The following BMS1 variants were observed in gnomAD, a reference collection of about 807,000 sequenced individuals.
The protein encoded by BMS1 is ribosome biogenesis protein BMS1 homolog.
In BMS1, 53 loss-of-function variants were observed where a neutral mutation model predicts 138.7. The observed-to-expected ratio is 0.38, with a 90% confidence interval of 0.31 to 0.48. The LOEUF is 0.48. BMS1 is among the 20% of genes least tolerant of loss of function. The pLI is 0.97. For missense variants in BMS1, 1,360 were observed against 1,565.5 expected (o/e 0.87, Z 2.22); for synonymous variants, 504 against 539.9 (o/e 0.93, Z 0.92).
rs775444545 is a variant in BMS1 at position 42,796,770 on chromosome 10, A to C, written c.1526A>C (p.Glu509Ala). 5.6e-6 allele frequency: 9 copies of C among 1,614,220 alleles called. No individual in the cohort carries two copies. In the Admixed American group the frequency reaches 1.2e-4, roughly 21 times the overall value. Residue 509 changes from glutamate (E) to alanine (A), a missense_variant, in exon 10 of 23, where the codon GAG becomes GCG. Transcript: ENST00000374518. ...PAFADSDDDLERSSAEEGEAE... is the reference protein window; with the variant it reads ...PAFADSDDDLARSSAEEGEAE... ...TTTGCTGACAGTGACGATGACCTTG[A>C]GAGGAGCTCAGCGGAAGAAGGGGAA...
intron 3 of BMS1, among the ~76,000 whole-genome samples, chr10:42,786,133 A>G (rs539559809): frequency 1.2e-3 from 183 of 152,338 alleles, no homozygotes; most frequent in African/African-American, 4.3e-3. Context: ...GTTCCTTGGA[A>G]GGGCCTAGCA....
intron 12 of BMS1, among the ~76,000 whole-genome samples, chr10:42,799,287 T>G (rs377099320): frequency 6.6e-6 from 1 of 152,170 alleles, no homozygotes; most frequent in African/African-American, 2.4e-5. Context: ...TTTTTGCATT[T>G]TTTGTAGAGA....
rs756147364 is a variant in BMS1, at chr10:42,830,839, A to G, written c.3619-27A>G. On this transcript the variant is annotated intron_variant, in intron 22 of 22. Transcript: ENST00000374518. ...GTGTGTGGTGTCTGAGAGCATTCTGATACTCACCGGCTTTTGTCCTTGTCA... is the reference window on the plus strand; with the variant it reads ...GTGTGTGGTGTCTGAGAGCATTCTGGTACTCACCGGCTTTTGTCCTTGTCA... 4.4e-6 allele frequency: 7 copies of G among 1,583,496 alleles called. No individual in the cohort carries two copies. In the Admixed American group the frequency reaches 7.1e-5, roughly 16 times the overall value.
intron 13 of BMS1, among the ~76,000 whole-genome samples, chr10:42,806,218 T>C (rs760330731): frequency 8.5e-5 from 13 of 152,174 alleles, no homozygotes; most frequent in African/African-American, 1.2e-4. Flanking sequence ...CTCATATGGT[T>C]CCCCCAGTTT....
chr10:42,829,210 G>A (rs574336580), intron 21 of BMS1, among the ~76,000 whole-genome samples: 6 of 152,086 alleles, frequency 3.9e-5, no homozygotes, highest in Non-Finnish European at 8.8e-5. Flanking sequence ...TACTCGGGAG[G>A]CTGAGGCAAG....
At chr10:42,790,010 G>A (rs1239439620) in intron 4 of BMS1, among the ~76,000 whole-genome samples, 2 of 152,162 alleles carry the variant, frequency 1.3e-5, no homozygotes, top group Non-Finnish European at 2.9e-5. Flanking sequence ...GTCAGAGGGT[G>A]GTGGTTTCTC....
chr10:42,829,322 A>C (rs17159198), intron 21 of BMS1, among the ~76,000 whole-genome samples: 14,262 of 151,974 alleles, frequency 0.094, 782 homozygotes, highest in African/African-American at 0.12. Context: ...AAAAAAAAAG[A>C]ATTTGGGTCA....
At position 42,796,522 on chromosome 10, in the gene BMS1, A is replaced by T. The variant is rs1841687593; in HGVS notation, c.1278A>T (p.Arg426=). The change falls in exon 10 of 23, where the codon CGA becomes CGT. Residue 426 remains arginine (R), a synonymous_variant. Coordinates refer to ENST00000374518, the MANE Select transcript of BMS1 (RefSeq NM_014753.4). ...AACAAATGGACTTGAACACTGGTCGAATGCGTCGGAAAGCCATTTTCGGAG... is the reference window on the plus strand; with the variant it reads ...AACAAATGGACTTGAACACTGGTCGTATGCGTCGGAAAGCCATTTTCGGAG... ...EEKQMDLNTG[R]MRRKAIFGDE... The T allele has an allele frequency of 3.1e-6, 5 of 1,614,226 alleles. No homozygotes were observed. The Middle Eastern group carries it at 8.2e-4, about 266-fold the overall frequency.
intron 6 of BMS1, 91 bp downstream of exon 6, chr10:42,791,860 G>A (rs1472806405): frequency 4.8e-6 from 7 of 1,461,272 alleles, no homozygotes; most frequent in Middle Eastern, 2.1e-4. Flanking sequence ...TTTATTTTGT[G>A]CCGATTTGAA....
intron 13 of BMS1, among the ~76,000 whole-genome samples, chr10:42,806,965 C>G (rs978854975): frequency 6.6e-6 from 1 of 152,136 alleles, no homozygotes; most frequent in Middle Eastern, 3.2e-3. Context: ...TACTGTAATA[C>G]AAGGTCACAG....
chr10:42,790,436 C>T lies in BMS1; in HGVS notation c.561C>T (p.Asp187=). ...PKIMGVLTHL[D]SFKHNKQLKK... is the part of the protein sequence containing the mutation. ...TTATGGGAGTTCTCACCCACCTCGA[C>T]TCCTTCAAGCATAATAAGCAACTGA... The change falls in exon 5 of 23, where the codon GAC becomes GAT. Residue 187 remains aspartate (D), a synonymous_variant. Coordinates refer to ENST00000374518, the MANE Select transcript of BMS1 (RefSeq NM_014753.4). The T allele has an allele frequency of 6.2e-7, 1 of 1,613,958 alleles. No homozygotes were observed. The highest frequency in any genetic ancestry group is 8.5e-7 in the Non-Finnish European group (1 of 1,179,868).
At chr10:42,798,946 G>T (rs1447515832) in intron 12 of BMS1, among the ~76,000 whole-genome samples, 1 of 152,114 alleles carries the variant, frequency 6.6e-6, no homozygotes, top group Admixed American at 6.5e-5. Context: ...GATATATGTA[G>T]CATCCCTGAG....
intron 21 of BMS1, among the ~76,000 whole-genome samples, chr10:42,825,233 T>A (rs1042625075): frequency 1.3e-5 from 2 of 152,168 alleles, no homozygotes; most frequent in African/African-American, 4.8e-5. Flanking sequence ...GGTCTCCAAC[T>A]CCTGACCTTG....
rs759093057 is a variant in BMS1, at chr10:42,830,360, G to T, written c.3556G>T (p.Ala1186Ser). 3.7e-6 allele frequency: 6 copies of T among 1,613,942 alleles called. No homozygotes were observed. The highest frequency in any genetic ancestry group is 1.1e-5 in the South Asian group (1 of 91,038). ...FKNKPKTQAK[A>S]GKVPKDRRRP... is the part of the protein sequence containing the mutation. ...GAACAAGCCCAAGACCCAAGCAAAG[G>T]CAGGCAAGGTGCCAAAGGACAGGCG... Residue 1186 changes from alanine to serine, a missense_variant, in exon 22 of 23, where the codon GCA becomes TCA. Ala to Ser is a moderately conservative substitution (Grantham distance 99). This residue lies in a region of BMS1 where 425 missense variants were observed against 568.3 expected (regional missense o/e 0.75). Transcript: ENST00000374518.
At chr10:42,821,884 C>T (rs934790380) in intron 18 of BMS1, among the ~76,000 whole-genome samples, 178 bp from the exon 19 acceptor site, 5 of 152,156 alleles carry the variant, frequency 3.3e-5, no homozygotes, top group South Asian at 4.1e-4. Context: ...GGCTTACCAA[C>T]TTTAAAGTTT....
intron 16 of BMS1, 41 bp from the exon 17 acceptor site, chr10:42,820,467 A>T (rs756439179): frequency 6.2e-7 from 1 of 1,611,402 alleles, no homozygotes; most frequent in East Asian, 2.2e-5. Context: ...GGCTCTGTGG[A>T]TTTCCCCTCC....
In BMS1 at chr10:42,832,942, A is replaced by G. The variant is rs1373142999; in HGVS notation, c.*1846A>G. The G allele has an allele frequency of 6.6e-6, 1 of 152,266 alleles. No individual in the cohort carries two copies. The highest frequency in any genetic ancestry group is 1.5e-5 in the Non-Finnish European group (1 of 68,046). 9.4% of individuals were successfully genotyped at this position (152,266 alleles called of 1,614,324 possible). ...CAAAACTATAATTCAACTAAAATATACAAGGCACTCAAGTCATACCATGTT... is the reference window on the plus strand; with the variant it reads ...CAAAACTATAATTCAACTAAAATATGCAAGGCACTCAAGTCATACCATGTT... On this transcript the variant is annotated 3_prime_UTR_variant, in exon 23 of 23. Transcript: ENST00000374518.
At chr10:42,794,200 A>C (rs4379783) in intron 9 of BMS1, among the ~76,000 whole-genome samples, 56,560 of 151,862 alleles carry the variant, frequency 0.37, 11,281 homozygotes, top group East Asian at 0.65. Flanking sequence ...TGCATTTTTC[A>C]ACAGACCCCA....
At position 42,823,670 on chromosome 10, in the gene BMS1, A is replaced by G; in HGVS notation, c.3342A>G (p.Thr1114=). The G allele has an allele frequency of 3.1e-6, 5 of 1,595,854 alleles. No homozygotes were observed. The highest frequency in any genetic ancestry group is 4.2e-6 in the Non-Finnish European group (5 of 1,179,522). Residue 1114 remains threonine, a synonymous_variant, in exon 21 of 23, where the codon ACA becomes ACG. Coordinates refer to ENST00000374518, the MANE Select transcript of BMS1 (RefSeq NM_014753.4). ...VSIPAFYNPV[T]SLLKPVGEKD... ...TCCCAGCGTTCTATAACCCAGTAAC[A>G]TCTTTGTTGAAACCAGTGGGTGAGA...
Sources: allele counts gnomAD v4.1 joint callset (sites outside exome capture counted in the v4.1 genomes callset), GRCh38; gene constraint gnomAD v4.1.1; regional missense constraint gnomAD v4.1.1; transcripts MANE v1.5; gene names NCBI Gene and HGNC (gene_info 2026-07-23, HGNC 2026-07-21).